SHANK2: variants seen among roughly 807,000 people sequenced by gnomAD.
The protein encoded by SHANK2 is SH3 and multiple ankyrin repeat domains protein 2.
In SHANK2, 43 loss-of-function variants were observed where a neutral mutation model predicts 133.7. The observed-to-expected ratio is 0.32, with a 90% CI of 0.25 to 0.41. The LOEUF is 0.41. Among genes scored for constraint, SHANK2 ranks in the 10% least tolerant of loss-of-function variants. The pLI is 1.00. For synonymous variants in SHANK2, 1,017 were observed against 952.8 expected, an observed-to-expected ratio of 1.07 and a Z score of -1.24; for missense variants, 1,994 against 2,235.8, an observed-to-expected ratio of 0.89 and a Z score of 2.18.
intron 1 of SHANK2, among the ~76,000 whole-genome samples, chr11:71,237,829 G>A (rs1555123908): frequency 6.6e-6 from 1 of 152,152 alleles, no homozygotes; most frequent in Non-Finnish European, 1.5e-5. Flanking sequence ...TGAGATTTCT[G>A]ATGAACAAAG....
chr11:70,591,119 A>G (rs1339408311), intron 17 of SHANK2, among the ~76,000 whole-genome samples: 1 of 152,164 alleles, frequency 6.6e-6, no homozygotes, highest in Non-Finnish European at 1.5e-5. Flanking sequence ...AGGTGGGCGG[A>G]TCACTGGACC....
chr11:70,680,596 C>T (rs1351416010), intron 15 of SHANK2, among the ~76,000 whole-genome samples: 1 of 152,174 alleles, frequency 6.6e-6, no homozygotes, highest in Non-Finnish European at 1.5e-5. Context: ...TAATCCACCA[C>T]CAGCTGATTA....
intron 17 of SHANK2, among the ~76,000 whole-genome samples, chr11:70,582,952 G>A (rs2136230791): frequency 6.6e-6 from 1 of 152,352 alleles, no homozygotes; most frequent in South Asian, 2.1e-4. Flanking sequence ...GGCAGGGTCT[G>A]CTGTGCAGCT....
Position 71,243,620 on chromosome 11 carries a change from G to A in SHANK2, c.-113+8805C>T, listed in dbSNP as rs185548539. On this transcript the variant is annotated intron_variant, in intron 1 of 25. Transcript: ENST00000601538. ...TGAGTCAAGAGAATGGTGTAAGCCCGGGAGGCGGAGCTTGCAGTGAGCTGA... is the reference window on the plus strand; with the variant it reads ...TGAGTCAAGAGAATGGTGTAAGCCCAGGAGGCGGAGCTTGCAGTGAGCTGA... Among the ~76,000 whole-genome samples the A allele has an allele frequency of 8.1e-4, 124 of 152,288 alleles. No homozygotes were observed. In the East Asian group the frequency reaches 9.1e-3, roughly 11 times the overall value.
intron 14 of SHANK2, among the ~76,000 whole-genome samples, chr11:70,765,748 G>A (rs1947106904): frequency 6.6e-6 from 1 of 152,184 alleles, no homozygotes; most frequent in African/African-American, 2.4e-5. Flanking sequence ...GGGCACAAAT[G>A]CATCTGGGGC....
At chr11:70,887,581 TC>T (rs1312809053) in intron 11 of SHANK2, among the ~76,000 whole-genome samples, 1 of 152,070 alleles carries the variant, frequency 6.6e-6, no homozygotes, top group African/African-American at 2.4e-5. Flanking sequence ...AAAGCCACAT[TC>T]CAGCATCGTA....
chr11:71,137,016 C>G (rs1952452118), intron 3 of SHANK2, among the ~76,000 whole-genome samples: 1 of 152,108 alleles, frequency 6.6e-6, no homozygotes, highest in South Asian at 2.1e-4. Context: ...GCATGCGCCA[C>G]CATGCCCAGC....
At chr11:70,694,277 G>A (rs1008993467) in intron 15 of SHANK2, among the ~76,000 whole-genome samples, 17 of 152,230 alleles carry the variant, frequency 1.1e-4, no homozygotes, top group Non-Finnish European at 2.2e-4. Context: ...GAGTGGAGGG[G>A]AATCCCAGGG....
At chr11:71,058,350 G>T (rs1014147948) in intron 9 of SHANK2, among the ~76,000 whole-genome samples, 1 of 152,208 alleles carries the variant, frequency 6.6e-6, no homozygotes, top group Non-Finnish European at 1.5e-5. Context: ...AAAGGCAGTG[G>T]TAGAATGTTG....
chr11:70,556,891 T>A (rs1565127395), intron 17 of SHANK2, among the ~76,000 whole-genome samples: 1 of 152,226 alleles, frequency 6.6e-6, no homozygotes, highest in East Asian at 1.9e-4. Context: ...TTTCTCATTT[T>A]AAATTTTTTT....
intron 17 of SHANK2, among the ~76,000 whole-genome samples, chr11:70,552,458 GACA>G (rs1591570913): frequency 6.6e-6 from 1 of 152,178 alleles, no homozygotes; most frequent in African/African-American, 2.4e-5. Flanking sequence ...GCTTCAACTT[GACA>G]ACAACTGAAA....
Position 70,471,321 on chromosome 11 carries a change from A to C in SHANK2, c.*1548T>G, listed in dbSNP as rs1158431946. ...TAGAGATGGGCTGAGCTAGTTCTGA[A>C]ATAATAATAAAACCAAAAACCTGAC... On this transcript the variant is annotated 3_prime_UTR_variant, in exon 26 of 26. Transcript: ENST00000601538. This position sits in a 1 kb window ranked among gnomAD's most constrained non-coding sequence, Gnocchi z 4.1. 2.5e-6 allele frequency: 1 copy of C among 398,894 alleles called. No individual in the cohort carries two copies. The highest frequency in any genetic ancestry group is 4.4e-6 in the Non-Finnish European group (1 of 226,072). The allele number at this position is 398,894 out of a possible 1,614,324, so 24.7% of individuals were successfully genotyped here. A position where few individuals can be genotyped will look rare whatever the true frequency, so the allele number is the denominator to read the frequency against.
intron 2 of SHANK2, among the ~76,000 whole-genome samples, chr11:71,160,259 T>TC (rs1166549151): frequency 6.9e-4 from 105 of 152,130 alleles, no homozygotes; most frequent in African/African-American, 2.4e-3. Flanking sequence ...GACTCTGTCA[T>TC]CCCCCCTTAA....
intron 11 of SHANK2, among the ~76,000 whole-genome samples, chr11:70,874,363 T>C (rs1375313315): frequency 6.6e-6 from 1 of 152,162 alleles, no homozygotes; most frequent in African/African-American, 2.4e-5. Flanking sequence ...AATCTATCTA[T>C]TGAGACAGGG....
intron 14 of SHANK2, among the ~76,000 whole-genome samples, chr11:70,744,177 G>A (rs561338170): frequency 1.1e-4 from 16 of 152,234 alleles, no homozygotes; most frequent in Non-Finnish European, 1.6e-4. Flanking sequence ...CCACATTCAC[G>A]CACCTGGCAA....
At position 70,486,206 on chromosome 11, in the gene SHANK2, C is replaced by T. The variant is rs370305829; in HGVS notation, c.4087G>A (p.Ala1363Thr). 9.8e-5 allele frequency: 158 copies of T among 1,613,642 alleles called. No homozygotes were observed. Among genetic ancestry groups the T allele is most frequent in the Non-Finnish European group, 1.2e-4 (143 of 1,179,856 alleles). ...SETEGALQIS[A>T]APEPTTVPGR... Reference sequence around the variant, plus strand: ...GGCACGGTGGTGGGCTCGGGGGCAGCGGAGATCTGTAAAGCACCTTCGGTT... The same window carrying T: ...GGCACGGTGGTGGGCTCGGGGGCAGTGGAGATCTGTAAAGCACCTTCGGTT... The change falls in exon 25 of 26, where the codon GCT becomes ACT. Residue 1363 changes from alanine to threonine, a missense_variant. Ala to Thr is a moderately conservative substitution (Grantham distance 58). This residue lies in a region of SHANK2 where 797 missense variants were observed against 907.4 expected (regional missense o/e 0.88). Coordinates refer to ENST00000601538, the MANE Select transcript of SHANK2 (RefSeq NM_012309.5). The surrounding 1 kb of genome is among the most constrained non-coding windows in gnomAD (Gnocchi z 8.0).
chr11:70,949,640 G>A (rs959267697), intron 10 of SHANK2, among the ~76,000 whole-genome samples: 1 of 152,176 alleles, frequency 6.6e-6, no homozygotes, highest in South Asian at 2.1e-4. Context: ...ATCATGGGGG[G>A]CCGGCTGGAC....
chr11:71,146,256 C>T (rs782228209), intron 3 of SHANK2, among the ~76,000 whole-genome samples: 10 of 152,244 alleles, frequency 6.6e-5, no homozygotes, highest in African/African-American at 9.6e-5. Flanking sequence ...CGTGGCTGGG[C>T]GACTGGCCCC....
intron 17 of SHANK2, among the ~76,000 whole-genome samples, chr11:70,606,651 C>T (rs1041486699): frequency 1.4e-4 from 21 of 151,886 alleles, no homozygotes; most frequent in African/African-American, 4.6e-4. Flanking sequence ...CCCTCCTGGG[C>T]GTCTGTGTCT....
Sources: gnomAD v4.1 joint callset for allele counts (sites outside exome capture counted in the v4.1 genomes callset) on GRCh38, gnomAD v4.1.1 for gene constraint, gnomAD v4.1.1 regional missense constraint, Gnocchi (gnomAD v3.1) non-coding constraint, MANE v1.5 for transcripts, NCBI Gene and HGNC (gene_info 2026-07-23, HGNC 2026-07-21) for gene names.